TBL1XR1: variants seen among roughly 807,000 people sequenced by gnomAD.
The protein encoded by TBL1XR1 is TBL1X/Y related 1, also known as F-box-like/WD repeat-containing protein TBL1XR1.
Under a neutral mutation model 66.9 loss-of-function variants are expected in TBL1XR1, and 5 were observed. That is an observed-to-expected ratio of 0.07 (90% confidence interval 0.04 to 0.16). TBL1XR1 has a LOEUF of 0.16. Among genes scored for constraint, TBL1XR1 ranks in the 10% least tolerant of loss-of-function variants. The pLI is 1.00. For synonymous variants in TBL1XR1, 210 were observed against 206.0 expected, an observed-to-expected ratio of 1.02 and a Z score of -0.17; for missense variants, 238 against 623.2, an observed-to-expected ratio of 0.38 and a Z score of 6.58.
intron 1 of TBL1XR1, among the ~76,000 whole-genome samples, chr3:177,143,048 G>A (rs373183501): frequency 1.1e-4 from 17 of 151,304 alleles, no homozygotes; most frequent in African/African-American, 4.1e-4. Context: ...AATAGCACTT[G>A]ATCACTATGC....
At chr3:177,118,261 T>C (rs886660897) in intron 1 of TBL1XR1, among the ~76,000 whole-genome samples, 1 of 152,184 alleles carries the variant, frequency 6.6e-6, no homozygotes, top group Non-Finnish European at 1.5e-5. Flanking sequence ...TGAACATTCA[T>C]TCATTCATTA....
Position 177,050,458 on chromosome 3 carries a change from T to TA in TBL1XR1, c.560+19dup. Reference sequence around the variant, plus strand: ...ATAAGATATTTTTAAGTCATTTTAGTATCACTTTGAGAAACATACCCTGAT... The same window carrying TA: ...ATAAGATATTTTTAAGTCATTTTAGTAATCACTTTGAGAAACATACCCTGAT... On this transcript the variant is annotated intron_variant, in intron 6 of 15. Coordinates refer to ENST00000457928, the MANE Select transcript of TBL1XR1 (RefSeq NM_024665.7). 6.2e-7 allele frequency: 1 copy of TA among 1,612,126 alleles called. No homozygotes were observed. Among genetic ancestry groups the TA allele is most frequent in the Non-Finnish European group, 8.5e-7 (1 of 1,179,118 alleles).
chr3:177,075,237 C>G (rs1720551502), intron 2 of TBL1XR1, among the ~76,000 whole-genome samples: 1 of 152,248 alleles, frequency 6.6e-6, no homozygotes, highest in Non-Finnish European at 1.5e-5. Flanking sequence ...AAATTAGTCT[C>G]TGCCTCCATT....
intron 1 of TBL1XR1, among the ~76,000 whole-genome samples, chr3:177,141,299 T>C (rs1345247014): frequency 6.6e-6 from 1 of 152,202 alleles, no homozygotes; most frequent in African/African-American, 2.4e-5. Context: ...TTTAAATAAT[T>C]TAAAAACTGA....
intron 1 of TBL1XR1, among the ~76,000 whole-genome samples, chr3:177,188,181 C>T (rs916134552): frequency 2.0e-5 from 3 of 151,924 alleles, no homozygotes; most frequent in African/African-American, 7.2e-5. Flanking sequence ...CCACCCACCT[C>T]GGCCTCCCAA....
intron 1 of TBL1XR1, among the ~76,000 whole-genome samples, chr3:177,173,474 G>C (rs2108936802): frequency 6.6e-6 from 1 of 152,252 alleles, no homozygotes; most frequent in South Asian, 2.1e-4. Flanking sequence ...GATATGATGT[G>C]ATGAGACAGG....
At chr3:177,054,664 A>C (rs1322206736) in intron 3 of TBL1XR1, among the ~76,000 whole-genome samples, 1 of 152,200 alleles carries the variant, frequency 6.6e-6, no homozygotes, top group Non-Finnish European at 1.5e-5. Flanking sequence ...AAATTCAAAT[A>C]TTAAAAAATC....
At chr3:177,104,356 C>T (rs1577178263) in intron 1 of TBL1XR1, among the ~76,000 whole-genome samples, 1 of 152,088 alleles carries the variant, frequency 6.6e-6, no homozygotes, top group Non-Finnish European at 1.5e-5. Context: ...CTTCTTAATC[C>T]GTTTTACAAA....
intron 2 of TBL1XR1, among the ~76,000 whole-genome samples, chr3:177,069,026 G>A (rs571423610): frequency 2.6e-5 from 4 of 152,178 alleles, no homozygotes; most frequent in Admixed American, 1.3e-4. Context: ...TCCAGAGCTC[G>A]GATGTAAATT....
intron 13 of TBL1XR1, among the ~76,000 whole-genome samples, chr3:177,033,732 T>C (rs1714353327): frequency 6.6e-6 from 1 of 152,164 alleles, no homozygotes; most frequent in Non-Finnish European, 1.5e-5. Context: ...ACATACACCA[T>C]GGAATACTAC....
intron 2 of TBL1XR1, among the ~76,000 whole-genome samples, chr3:177,074,574 C>A (rs760788838): frequency 2.6e-5 from 4 of 152,162 alleles, no homozygotes; most frequent in Non-Finnish European, 5.9e-5. Flanking sequence ...TCATCCCCAC[C>A]TTCTCGTGAG....
Position 177,024,365 on chromosome 3 carries a change from T to G in TBL1XR1, c.*1133A>C, listed in dbSNP as rs1712786958. On this transcript the variant is annotated 3_prime_UTR_variant, in exon 16 of 16. Transcript: ENST00000457928. ...CTTGCTTTGTATAAAGAAAACAACATGAGAGATTTTTAATACTGGAGTTTG... is the reference window on the plus strand; with the variant it reads ...CTTGCTTTGTATAAAGAAAACAACAGGAGAGATTTTTAATACTGGAGTTTG... The G allele has an allele frequency of 6.6e-6, 1 of 151,920 alleles. No homozygotes were observed. The highest frequency in any genetic ancestry group is 1.9e-4 in the East Asian group (1 of 5,200). 9.4% of individuals were successfully genotyped at this position (151,920 alleles called of 1,614,324 possible). A position where few individuals can be genotyped will look rare whatever the true frequency, so the allele number is the denominator to read the frequency against.
intron 1 of TBL1XR1, among the ~76,000 whole-genome samples, chr3:177,102,585 A>C (rs1724360740): frequency 6.6e-6 from 1 of 152,224 alleles, no homozygotes; most frequent in Admixed American, 6.5e-5. Context: ...AAACTATTGA[A>C]ACTATTTGTA....
At chr3:177,136,034 T>A (rs1728955143) in intron 1 of TBL1XR1, among the ~76,000 whole-genome samples, 1 of 152,012 alleles carries the variant, frequency 6.6e-6, no homozygotes, top group South Asian at 2.1e-4. Flanking sequence ...AATAGATCAG[T>A]ATCTAAAATC....
At chr3:177,120,547 A>G (rs972631339) in intron 1 of TBL1XR1, 7 of 152,206 alleles carry the variant, frequency 4.6e-5, no homozygotes, top group Admixed American at 3.9e-4. Context: ...AAGATTTTCC[A>G]GTGGATACTC....
chr3:177,184,063 A>G (rs1735135042), intron 1 of TBL1XR1, among the ~76,000 whole-genome samples: 1 of 152,170 alleles, frequency 6.6e-6, no homozygotes. Flanking sequence ...TCTGTGCACC[A>G]AAACAGGTGC....
At position 177,148,216 on chromosome 3, in the gene TBL1XR1, T is replaced by C. The variant is rs758210094; in HGVS notation, c.-122+48905A>G. ...TTTAGATGACAGCTAGTTAAGGATGTTGAAAGTTTAAGTACAAAAGGAGGT... is the reference window on the plus strand; with the variant it reads ...TTTAGATGACAGCTAGTTAAGGATGCTGAAAGTTTAAGTACAAAAGGAGGT... On this transcript the variant is annotated intron_variant, in intron 1 of 15. Transcript: ENST00000457928. Among the ~76,000 whole-genome samples, 52 of 152,210 alleles carry C rather than the reference T, an allele frequency of 3.4e-4. 1 individual carries two copies. Among genetic ancestry groups the C allele is most frequent in the Non-Finnish European group, 6.5e-4 (44 of 68,042 alleles).
intron 10 of TBL1XR1, among the ~76,000 whole-genome samples, chr3:177,040,093 G>A (rs1715370485): frequency 6.6e-6 from 1 of 152,200 alleles, no homozygotes; most frequent in East Asian, 1.9e-4. Flanking sequence ...AAAGGCAGGA[G>A]AACTGTTTGA....
chr3:177,072,443 CATTGT>C (rs962553231), intron 2 of TBL1XR1, among the ~76,000 whole-genome samples: 1 of 148,238 alleles, frequency 6.7e-6, no homozygotes, highest in African/African-American at 2.5e-5. Context: ...TACTAGTAGT[CATTGT>C]ATTTTTTCAC....
Sources: gnomAD v4.1 joint callset for allele counts (sites outside exome capture counted in the v4.1 genomes callset) on GRCh38, gnomAD v4.1.1 for gene constraint, MANE v1.5 for transcripts, NCBI Gene and HGNC (gene_info 2026-07-23, HGNC 2026-07-21) for gene names.